The following GRIA4 variants were observed in gnomAD, a reference collection of about 807,000 sequenced individuals.
GRIA4 encodes the protein glutamate receptor 4.
In GRIA4, 34 loss-of-function variants were observed where a neutral mutation model predicts 104.0. The ratio of observed to expected loss-of-function variants is 0.33; its 90% CI spans 0.25 to 0.44. The LOEUF is 0.44. Among genes scored for constraint, GRIA4 ranks in the 20% least tolerant of loss-of-function variants. The probability of loss-of-function intolerance (pLI) is 1.00; values close to 1 mark genes in which losing one functional copy is unlikely to be tolerated. For synonymous variants in GRIA4, 386 were observed against 381.9 expected (o/e 1.01, Z -0.13); for missense variants, 750 against 1,096.5 (o/e 0.68, Z 4.46).
Position 105,979,654 on chromosome 11 carries a change from C to T in GRIA4, c.2624C>T (p.Thr875Met), listed in dbSNP as rs201725650. ...GTGGGAGAGAATGGCCGCGTCTTGA[C>T]GCCTGACTGCCCAAAGGCTGTACAC... ...GSVGENGRVL[T>M]PDCPKAVHTG... Residue 875 changes from threonine to methionine, a missense_variant, in exon 17 of 17, where the codon ACG becomes ATG. Thr to Met is a moderately conservative substitution (Grantham distance 81). Around this residue, in one of 3 missense-constraint regions of GRIA4, gnomAD observed 68 missense variants for 69.3 expected, o/e 0.98. Coordinates refer to ENST00000282499, the MANE Select transcript of GRIA4 (RefSeq NM_000829.4). 2 of 1,613,504 alleles carry T rather than the reference C, an allele frequency of 1.2e-6. No homozygotes were observed. Among genetic ancestry groups the T allele is most frequent in the Non-Finnish European group, 1.7e-6 (2 of 1,179,410 alleles).
chr11:105,884,112 T>C lies in GRIA4; in HGVS notation c.673-3407T>C, dbSNP rs368894045. ...AATATGCAGATTGTCTTCCCCTACA[T>C]TTTTCTGTCTTTAGGAAAGGCCATA... On this transcript the variant is annotated intron_variant, in intron 5 of 16. Coordinates refer to ENST00000282499, the MANE Select transcript of GRIA4 (RefSeq NM_000829.4). Among the ~76,000 whole-genome samples, 8 of 152,196 alleles carry C rather than the reference T, an allele frequency of 5.3e-5. No individual in the cohort carries two copies. The East Asian group carries it at 1.3e-3, about 26-fold the overall frequency.
At chr11:105,911,937 C>T (rs867607081) in intron 10 of GRIA4, 6 of 1,549,934 alleles carry the variant, frequency 3.9e-6, no homozygotes, top group South Asian at 1.2e-5. Context: ...CCGCGCTGTT[C>T]GACCATTCCT....
At chr11:105,924,371 G>A (rs1442049833) in intron 11 of GRIA4, 28 bp from the exon 12 acceptor site, 5 of 1,518,776 alleles carry the variant, frequency 3.3e-6, no homozygotes, top group Non-Finnish European at 4.5e-6. Flanking sequence ...ATTAACCTAT[G>A]TGTCTCCATG....
chr11:105,841,173 A>C (rs181485580), intron 4 of GRIA4, among the ~76,000 whole-genome samples: 1 of 152,128 alleles, frequency 6.6e-6, no homozygotes, highest in Non-Finnish European at 1.5e-5. Context: ...TCACTGAAAA[A>C]GTCACATAAG....
chr11:105,803,861 AAGAGAGAGAG>A (rs1206118933), intron 4 of GRIA4, among the ~76,000 whole-genome samples: 3 of 147,002 alleles, frequency 2.0e-5, no homozygotes, highest in African/African-American at 5.1e-5. Context: ...AAAAAAAAAA[AAGAGAGAGAG>A]AGAGAGAGAA....
At chr11:105,794,018 G>C (rs1013429006) in intron 4 of GRIA4, among the ~76,000 whole-genome samples, 2 of 152,028 alleles carry the variant, frequency 1.3e-5, no homozygotes, top group Non-Finnish European at 2.9e-5. Flanking sequence ...GGCACTCACA[G>C]AAGGAAGAAT....
intron 3 of GRIA4, among the ~76,000 whole-genome samples, chr11:105,711,799 A>C (rs897173422): frequency 1.3e-5 from 2 of 152,124 alleles, no homozygotes; most frequent in African/African-American, 2.4e-5. Context: ...TAATGTTGGG[A>C]ATCAAGTAGG....
At chr11:105,698,965 T>C (rs986269423) in intron 3 of GRIA4, among the ~76,000 whole-genome samples, 11 of 152,182 alleles carry the variant, frequency 7.2e-5, no homozygotes, top group African/African-American at 2.4e-4. Flanking sequence ...AGCTACCCAA[T>C]TGCTGAATAT....
At chr11:105,668,758 C>A (rs566524933) in intron 3 of GRIA4, among the ~76,000 whole-genome samples, 1 of 151,096 alleles carries the variant, frequency 6.6e-6, no homozygotes, top group East Asian at 2.0e-4. Context: ...TTCTCCCTCC[C>A]ATCATTTGCC....
At chr11:105,856,031 C>G (rs1944997744) in intron 4 of GRIA4, among the ~76,000 whole-genome samples, 1 of 152,130 alleles carries the variant, frequency 6.6e-6, no homozygotes, top group Admixed American at 6.6e-5. Context: ...CTCAAATCAT[C>G]TCTCTATGAT....
At chr11:105,760,291 C>T (rs1313987306) in intron 4 of GRIA4, among the ~76,000 whole-genome samples, 6 of 152,046 alleles carry the variant, frequency 3.9e-5, no homozygotes, top group Non-Finnish European at 7.4e-5. Flanking sequence ...ATGTGTATCA[C>T]CTAAAAATAT....
At chr11:105,906,400 G>T (rs1947042350) in intron 9 of GRIA4, among the ~76,000 whole-genome samples, 1 of 152,104 alleles carries the variant, frequency 6.6e-6, no homozygotes, top group Non-Finnish European at 1.5e-5. Flanking sequence ...TGGAGGAGGT[G>T]GGATTTAAAA....
At chr11:105,914,009 C>CAT (rs1280264731) in intron 10 of GRIA4, among the ~76,000 whole-genome samples, 1 of 151,656 alleles carries the variant, frequency 6.6e-6, no homozygotes, top group African/African-American at 2.4e-5. Flanking sequence ...ATGCACTATA[C>CAT]ATATATATGT....
At chr11:105,765,134 G>A (rs1274186479) in intron 4 of GRIA4, among the ~76,000 whole-genome samples, 4 of 152,090 alleles carry the variant, frequency 2.6e-5, no homozygotes, top group East Asian at 1.9e-4. Flanking sequence ...CATTGATGCC[G>A]TATAATATCA....
At chr11:105,933,672 CAT>C in intron 13 of GRIA4, 48 bp from the exon 14 acceptor site, 1 of 1,350,516 alleles carries the variant, frequency 7.4e-7, no homozygotes, top group South Asian at 1.4e-5. Context: ...CGAATATTAA[CAT>C]GTTGTTCCCT....
At chr11:105,655,957 A>G (rs976017325) in intron 3 of GRIA4, among the ~76,000 whole-genome samples, 4 of 152,102 alleles carry the variant, frequency 2.6e-5, no homozygotes, top group African/African-American at 9.7e-5. Flanking sequence ...CAACAGTGTA[A>G]AAGCATTCCT....
Position 105,800,141 on chromosome 11 carries a change from T to C in GRIA4, c.487+46921T>C, listed in dbSNP as rs376994691. 2.0e-5 allele frequency among the ~76,000 whole-genome samples: 3 copies of C among 152,080 alleles called. No homozygotes were observed. The East Asian group carries it at 5.8e-4, about 29-fold the overall frequency. On this transcript the variant is annotated intron_variant, in intron 4 of 16. Transcript: ENST00000282499. ...TAATGGTTCTAGTGGGATCAAAGGA[T>C]TCTTAGAGTATAGCTCTAGAGGCAA... is the stretch of plus-strand genomic sequence containing the variant.
intron 3 of GRIA4, among the ~76,000 whole-genome samples, chr11:105,637,006 T>C (rs1185565331): frequency 1.3e-5 from 2 of 152,176 alleles, no homozygotes; most frequent in Non-Finnish European, 2.9e-5. Context: ...AAAATGATTT[T>C]AGTGATATTG....
chr11:105,673,319 C>A (rs1952433702), intron 3 of GRIA4, among the ~76,000 whole-genome samples: 1 of 152,078 alleles, frequency 6.6e-6, no homozygotes, highest in Non-Finnish European at 1.5e-5. Context: ...ATGGATTTGA[C>A]TAAGTGCCTG....
Sources: gnomAD v4.1 joint callset for allele counts (sites outside exome capture counted in the v4.1 genomes callset) on GRCh38, gnomAD v4.1.1 for gene constraint, gnomAD v4.1.1 regional missense constraint, MANE v1.5 for transcripts, NCBI Gene and HGNC (gene_info 2026-07-23, HGNC 2026-07-21) for gene names.